Variants in LINGO2 observed in about 807,000 individuals in gnomAD.
LINGO2 encodes leucine-rich repeat and immunoglobulin-like domain-containing nogo receptor-interacting protein 2.
Under a neutral mutation model 30.6 loss-of-function variants are expected in LINGO2, and 14 were observed. The ratio of observed to expected loss-of-function variants is 0.46; its 90% CI spans 0.30 to 0.72. The LOEUF is 0.72. Ranked by LOEUF, LINGO2 falls within the 30% of genes least tolerant of loss-of-function variation. The pLI is 0.07. For synonymous variants in LINGO2, 317 were observed against 288.5 expected (o/e 1.10, Z -1.00); for missense variants, 729 against 751.7 (o/e 0.97, Z 0.35).
At chr9:29,077,988 ACAAT>A in the LINGO2 span, among the ~76,000 whole-genome samples, 1 of 151,972 alleles carries the variant, frequency 6.6e-6, no homozygotes, top group Non-Finnish European at 1.5e-5. Flanking sequence ...TTGCTTTTGT[ACAAT>A]CAGAGTACTA....
the LINGO2 span, among the ~76,000 whole-genome samples, chr9:28,946,442 C>T: frequency 1.3e-5 from 2 of 152,126 alleles, no homozygotes; most frequent in African/African-American, 4.8e-5. Context: ...GGGATATGGA[C>T]ATTTATTCAG....
At chr9:28,547,497 T>C (rs925429023) in intron 1 of LINGO2, among the ~76,000 whole-genome samples, 2 of 152,138 alleles carry the variant, frequency 1.3e-5, no homozygotes, top group African/African-American at 4.8e-5. Flanking sequence ...ATTACTGCTC[T>C]AAGAGCTAAA....
intron 5 of LINGO2, among the ~76,000 whole-genome samples, chr9:27,986,440 G>T (rs1275699532): frequency 6.6e-6 from 1 of 151,860 alleles, no homozygotes; most frequent in Non-Finnish European, 1.5e-5. Flanking sequence ...CATTACAGTA[G>T]TGAATTTAGT....
At chr9:28,893,998 A>G in the LINGO2 span, among the ~76,000 whole-genome samples, 3 of 150,878 alleles carry the variant, frequency 2.0e-5, no homozygotes, top group East Asian at 2.0e-4. Flanking sequence ...GAGAACATGC[A>G]GCATTTGGTT....
chr9:28,624,833 G>A (rs1252767268), intron 1 of LINGO2, among the ~76,000 whole-genome samples: 1 of 151,224 alleles, frequency 6.6e-6, no homozygotes, highest in Non-Finnish European at 1.5e-5. Context: ...CTCTACTGTG[G>A]CTGAGCTGAT....
At chr9:28,653,584 C>G (rs889657613) in intron 1 of LINGO2, among the ~76,000 whole-genome samples, 2 of 152,110 alleles carry the variant, frequency 1.3e-5, no homozygotes, top group Non-Finnish European at 2.9e-5. Context: ...TGACTTATTT[C>G]CCTCTCAGAT....
chr9:28,734,111 T>C, the LINGO2 span, among the ~76,000 whole-genome samples: 1 of 152,024 alleles, frequency 6.6e-6, no homozygotes, highest in Admixed American at 6.6e-5. Flanking sequence ...AATGTACAAA[T>C]TAGACACAGT....
chr9:29,008,768 G>A, the LINGO2 span, among the ~76,000 whole-genome samples: 1 of 152,030 alleles, frequency 6.6e-6, no homozygotes, highest in Non-Finnish European at 1.5e-5. Context: ...AATTTTTGAT[G>A]GGGTTGTTTG....
At chr9:29,090,646 A>G in the LINGO2 span, among the ~76,000 whole-genome samples, 1 of 152,094 alleles carries the variant, frequency 6.6e-6, no homozygotes, top group African/African-American at 2.4e-5. Context: ...TATAATGAAG[A>G]AAACCAATTC....
At chr9:28,251,997 C>A (rs76385105) in intron 4 of LINGO2, among the ~76,000 whole-genome samples, 16,568 of 152,058 alleles carry the variant, frequency 0.11, 1,008 homozygotes, top group Admixed American at 0.13. Context: ...GTGACGTTGG[C>A]CAATTTGCTT....
At chr9:28,823,459 A>G in the LINGO2 span, among the ~76,000 whole-genome samples, 4 of 152,296 alleles carry the variant, frequency 2.6e-5, no homozygotes, top group Admixed American at 2.0e-4. Flanking sequence ...CTCCTCCTTC[A>G]AAAGGTAAAA....
At chr9:29,051,448 A>G in the LINGO2 span, among the ~76,000 whole-genome samples, 1 of 152,096 alleles carries the variant, frequency 6.6e-6, no homozygotes, top group South Asian at 2.1e-4. Context: ...TCATGGCTTG[A>G]TAATTCATTT....
chr9:28,678,868 A>T, the LINGO2 span, among the ~76,000 whole-genome samples: 1 of 152,038 alleles, frequency 6.6e-6, no homozygotes, highest in Non-Finnish European at 1.5e-5. Flanking sequence ...ACTTAGAAAA[A>T]CTCATTACAT....
At chr9:29,152,713 G>A in the LINGO2 span, among the ~76,000 whole-genome samples, 2 of 152,032 alleles carry the variant, frequency 1.3e-5, no homozygotes, top group African/African-American at 4.8e-5. Flanking sequence ...CTGGGTGATG[G>A]GATAATTGTA....
intron 3 of LINGO2, among the ~76,000 whole-genome samples, chr9:28,330,597 G>A (rs552922990): frequency 4.6e-5 from 7 of 152,144 alleles, no homozygotes; most frequent in South Asian, 4.2e-4. Context: ...AGAATTATAC[G>A]AATAAATAAA....
the LINGO2 span, among the ~76,000 whole-genome samples, chr9:28,695,143 A>C: frequency 6.6e-6 from 1 of 151,926 alleles, no homozygotes; most frequent in Non-Finnish European, 1.5e-5. Flanking sequence ...ACAGTGAACA[A>C]AGTTTTTCAT....
chr9:29,192,722 T>G, the LINGO2 span, among the ~76,000 whole-genome samples: 1 of 152,228 alleles, frequency 6.6e-6, no homozygotes. Context: ...TTTGATTTTC[T>G]GTACCTCACA....
intron 4 of LINGO2, among the ~76,000 whole-genome samples, chr9:28,280,886 T>C (rs1255708468): frequency 3.9e-5 from 6 of 152,188 alleles, no homozygotes; most frequent in African/African-American, 1.2e-4. Context: ...AGACTTCGAA[T>C]TGACTAAGAC....
intron 1 of LINGO2, among the ~76,000 whole-genome samples, chr9:28,638,832 T>G (rs1588005600): frequency 6.6e-6 from 1 of 152,292 alleles, no homozygotes; most frequent in African/African-American, 2.4e-5. Context: ...AGTTCTGCTC[T>G]GATCTTAGTT....
Sources: allele counts gnomAD v4.1 joint callset (sites outside exome capture counted in the v4.1 genomes callset), GRCh38; gene constraint gnomAD v4.1.1; transcripts MANE v1.5; gene names NCBI Gene and HGNC (gene_info 2026-07-23, HGNC 2026-07-21).